The following CHLSN variants were observed in gnomAD, a reference collection of about 807,000 sequenced individuals.
CHLSN encodes the protein cholesin, also known as protein cholesin.
chr7:1,005,205 C>T, the CHLSN span, among the ~76,000 whole-genome samples: 1 of 152,158 alleles, frequency 6.6e-6, no homozygotes, highest in Non-Finnish European at 1.5e-5. Context: ...GCAGGAGAAT[C>T]GCTTGAACCT....
At chr7:1,071,712 A>G in the CHLSN span, among the ~76,000 whole-genome samples, 4 of 152,184 alleles carry the variant, frequency 2.6e-5, no homozygotes, top group Non-Finnish European at 4.4e-5. Context: ...TTGCCAGGGA[A>G]GTCCTATGAT....
the CHLSN span, among the ~76,000 whole-genome samples, chr7:1,128,025 G>A: frequency 5.8e-4 from 12 of 20,718 alleles, no homozygotes; most frequent in South Asian, 1.2e-3. Context: ...GCAGTGGCAC[G>A]ATCTCGGCTC....
chr7:1,123,483 G>T, the CHLSN span, among the ~76,000 whole-genome samples: 1 of 152,280 alleles, frequency 6.6e-6, no homozygotes, highest in Non-Finnish European at 1.5e-5. This position sits in a 1 kb window ranked among gnomAD's most constrained non-coding sequence, Gnocchi z 4.4. Flanking sequence ...GGGAGGGGAG[G>T]GAAGCAGCGC....
At chr7:1,111,908 C>T in the CHLSN span, among the ~76,000 whole-genome samples, 1 of 152,070 alleles carries the variant, frequency 6.6e-6, no homozygotes, top group African/African-American at 2.4e-5. Flanking sequence ...CCTCAGCACA[C>T]GCGGCTGCTA....
the CHLSN span, chr7:1,092,661 C>G: frequency 6.2e-7 from 1 of 1,613,182 alleles, no homozygotes; most frequent in Non-Finnish European, 8.5e-7. Context: ...TTGTCAACCT[C>G]GCCGCCTTCT....
chr7:1,003,814 T>C, the CHLSN span, among the ~76,000 whole-genome samples: 2 of 83,616 alleles, frequency 2.4e-5, no homozygotes, highest in East Asian at 4.3e-4. Flanking sequence ...TGGAGTCCTG[T>C]GGGTGGGGAG....
the CHLSN span, among the ~76,000 whole-genome samples, chr7:1,036,364 G>C: frequency 7.6e-4 from 107 of 141,410 alleles, no homozygotes; most frequent in Middle Eastern, 7.6e-3. Context: ...GGTGCTCGTG[G>C]TGTGGCCGTG....
the CHLSN span, chr7:1,074,675 T>G: frequency 6.6e-6 from 1 of 152,028 alleles, no homozygotes; most frequent in African/African-American, 2.4e-5. Context: ...AAGGCGTCTG[T>G]GTCCGATGGC....
chr7:1,043,594 G>A, the CHLSN span: 6 of 152,282 alleles, frequency 3.9e-5, no homozygotes, highest in African/African-American at 7.2e-5. Flanking sequence ...CACTGTGCCA[G>A]GGACCTGGTG....
chr7:1,002,745 G>GA, the CHLSN span, among the ~76,000 whole-genome samples: 2 of 111,106 alleles, frequency 1.8e-5, no homozygotes, highest in Non-Finnish European at 3.7e-5. Context: ...TCCTGTGGGT[G>GA]GGGAGTCCTG....
At chr7:1,127,441 G>T in the CHLSN span, 1 of 1,498,466 alleles carries the variant, frequency 6.7e-7, no homozygotes, top group Non-Finnish European at 8.9e-7. Flanking sequence ...CTTAACTCAT[G>T]TAAGATTTTT....
At chr7:1,092,006 TC>T in the CHLSN span, 1 of 1,614,136 alleles carries the variant, frequency 6.2e-7, no homozygotes, top group Non-Finnish European at 8.5e-7. Context: ...AAGATGACCA[TC>T]CCCGACCTGT....
At chr7:1,030,218 A>G in the CHLSN span, among the ~76,000 whole-genome samples, 3 of 151,922 alleles carry the variant, frequency 2.0e-5, no homozygotes, top group Admixed American at 2.0e-4. Flanking sequence ...GAACGCAACG[A>G]CCCACGCATC....
At chr7:1,127,282 G>A in the CHLSN span, 1 of 1,600,530 alleles carries the variant, frequency 6.2e-7, no homozygotes, top group Non-Finnish European at 8.5e-7. Context: ...TTCGCCACTT[G>A]GTGCAGCCTC....
At chr7:1,011,125 C>T in the CHLSN span, among the ~76,000 whole-genome samples, 8 of 150,986 alleles carry the variant, frequency 5.3e-5, no homozygotes, top group South Asian at 8.4e-4. Context: ...ACACAGCCCC[C>T]AACCCTCACC....
chr7:1,060,434 CT>C, the CHLSN span, among the ~76,000 whole-genome samples: 128 of 152,318 alleles, frequency 8.4e-4, no homozygotes, highest in African/African-American at 3.0e-3. Flanking sequence ...GGCACACTTC[CT>C]CCCCACAGCC....
At chr7:1,086,915 G>A in the CHLSN span, 1 of 152,350 alleles carries the variant, frequency 6.6e-6, no homozygotes, top group Non-Finnish European at 1.5e-5. Flanking sequence ...ATTCGCTGAA[G>A]TTCCCTTCTG....
chr7:1,041,318 GCGGGGAAGGGGGCC>G, the CHLSN span, among the ~76,000 whole-genome samples: 2 of 122,344 alleles, frequency 1.6e-5, no homozygotes, highest in African/African-American at 6.4e-5. Flanking sequence ...GGTCCGCGCT[GCGGGGAAGGGGGCC>G]TGGGGTCCGC....
chr7:1,115,653 C>G, the CHLSN span, among the ~76,000 whole-genome samples: 1 of 126,030 alleles, frequency 7.9e-6, no homozygotes, highest in Non-Finnish European at 1.7e-5. Context: ...GATGACATCA[C>G]TACAGCTCTA....
Sources: gnomAD v4.1 joint callset for allele counts (sites outside exome capture counted in the v4.1 genomes callset) on GRCh38, gnomAD v4.1.1 for gene constraint, Gnocchi (gnomAD v3.1) non-coding constraint, MANE v1.5 for transcripts, NCBI Gene and HGNC (gene_info 2026-07-23, HGNC 2026-07-21) for gene names.